The following RDM1 variants were observed in gnomAD, a reference collection of about 807,000 sequenced individuals.
RDM1 encodes the protein RAD52 motif containing 1.
RDM1 carries 28 observed loss-of-function variants against 27.7 expected under a neutral mutation model. The ratio of observed to expected loss-of-function variants is 1.01; its 90% confidence interval spans 0.75 to 1.39. RDM1 has a LOEUF of 1.39. Ranked by LOEUF, RDM1 falls within the 40% of genes most tolerant of loss-of-function variation. The probability of loss-of-function intolerance (pLI) is 0.00; values close to 1 mark genes in which losing one functional copy is unlikely to be tolerated. For missense variants in RDM1, 277 were observed against 337.3 expected (o/e 0.82, Z 1.40); for synonymous variants, 124 against 127.5 (o/e 0.97, Z 0.19).
chr17:35,919,331 A>G (rs2088857700), intron 6 of RDM1, among the ~76,000 whole-genome samples: 1 of 152,158 alleles, frequency 6.6e-6, no homozygotes, highest in African/African-American at 2.4e-5. Context: ...ATATACAGTC[A>G]TGCGTTGCTT....
rs966467909 is a variant in RDM1 at position 35,930,059 on chromosome 17, T to G, written c.276+17A>C. On this transcript the variant is annotated intron_variant, in intron 2 of 6. Coordinates refer to ENST00000620284, the MANE Select transcript of RDM1 (RefSeq NM_145654.4). ...ACTTCATTTCAGCGGAGCTAGGAAT[T>G]CCATATTTGGACCCACCTTGACTGG... 52 of 1,603,518 alleles carry G rather than the reference T, an allele frequency of 3.2e-5. No individual in the cohort carries two copies. Among genetic ancestry groups the G allele is most frequent in the African/African-American group, 5.4e-5 (4 of 74,354 alleles).
chr17:35,927,206 C>T (rs578188363), intron 2 of RDM1, among the ~76,000 whole-genome samples: 10 of 151,840 alleles, frequency 6.6e-5, no homozygotes, highest in African/African-American at 1.4e-4. Context: ...TTTGGGAGGC[C>T]GAGGCGGCAG....
chr17:35,926,984 G>A (rs940029379), intron 2 of RDM1, among the ~76,000 whole-genome samples: 2 of 151,886 alleles, frequency 1.3e-5, no homozygotes, highest in African/African-American at 2.4e-5. Flanking sequence ...TGGCGAGACC[G>A]GCCTGTATCG....
rs1343211713 is a variant in RDM1 at position 35,930,141 on chromosome 17, T to C, written c.211A>G (p.Arg71Gly). 1.2e-5 allele frequency: 19 copies of C among 1,614,098 alleles called. No homozygotes were observed. In the South Asian group the frequency reaches 1.8e-4, roughly 15 times the overall value. Residue 71 changes from arginine (R) to glycine (G), a missense_variant, in exon 2 of 7, where the codon AGG (arginine) becomes GGG (glycine). Physicochemically the swap from Arg to Gly is moderately radical, Grantham distance 125. Transcript: ENST00000620284. ...GCCTTTTGGGCTCTGTGGGCAGCCC[T>C]TGCAGAATAAAACTTAATGACGGCA... ...FYAVIKFYSA[R>G]AAHRAQKACD... is the part of the protein sequence containing the mutation.
intron 2 of RDM1, among the ~76,000 whole-genome samples, chr17:35,926,465 G>A (rs1186669356): frequency 6.6e-6 from 1 of 151,698 alleles, no homozygotes; most frequent in Non-Finnish European, 1.5e-5. Flanking sequence ...GTGCAGTGGC[G>A]CGATCTTGGC....
intron 5 of RDM1, chr17:35,922,220 C>T (rs571777865): frequency 5.1e-6 from 1 of 196,112 alleles, no homozygotes; most frequent in Non-Finnish European, 1.0e-5. Flanking sequence ...CGCGCCCGGC[C>T]TAATTGCATT....
At chr17:35,922,477 G>A (rs917526306) in intron 5 of RDM1, 100 bp downstream of exon 5, 3 of 1,445,140 alleles carry the variant, frequency 2.1e-6, no homozygotes, top group Middle Eastern at 5.0e-4. Context: ...ATACTATAGA[G>A]TGCTTTAGAT....
intron 5 of RDM1, among the ~76,000 whole-genome samples, chr17:35,920,677 A>G (rs1167857368): frequency 6.6e-6 from 1 of 150,732 alleles, no homozygotes; most frequent in Non-Finnish European, 1.5e-5. Context: ...CTGGTCTTGA[A>G]CCCCTGGCTT....
At chr17:35,924,536 G>A in intron 4 of RDM1, 68 bp downstream of exon 4, 1 of 1,500,070 alleles carries the variant, frequency 6.7e-7, no homozygotes, top group South Asian at 1.3e-5. Context: ...GTTTTGGAAA[G>A]TAAGAAAAAA....
In RDM1 at chr17:35,918,586, G is replaced by A. The variant is rs2088825362; in HGVS notation, c.754-143C>T. 10 of 700,444 alleles carry A rather than the reference G, an allele frequency of 1.4e-5. No individual in the cohort carries two copies. In the South Asian group the frequency reaches 1.8e-4, roughly 12 times the overall value. 43.4% of individuals were successfully genotyped at this position (700,444 alleles called of 1,614,324 possible). A position where few individuals can be genotyped will look rare whatever the true frequency, so the allele number is the denominator to read the frequency against. On this transcript the variant is annotated intron_variant, in intron 6 of 6. Transcript: ENST00000620284. Reference sequence around the variant, plus strand: ...CCACTCTATTAGGTAGGGGCTGCCAGGGAATAAGTGAAGACTCCAAATTTT... The same window carrying A: ...CCACTCTATTAGGTAGGGGCTGCCAAGGAATAAGTGAAGACTCCAAATTTT...
At chr17:35,919,937 A>G (rs2088879024) in intron 6 of RDM1, among the ~76,000 whole-genome samples, 2 of 152,138 alleles carry the variant, frequency 1.3e-5, no homozygotes, top group South Asian at 4.1e-4. Context: ...GGGAAGACTA[A>G]TCCCTCTCCT....
chr17:35,927,798 C>A (rs1487999214), intron 2 of RDM1, among the ~76,000 whole-genome samples: 1 of 152,026 alleles, frequency 6.6e-6, no homozygotes, highest in Non-Finnish European at 1.5e-5. Context: ...ATGAAATGGT[C>A]TCAATGTCCA....
chr17:35,924,317 C>T (rs553465401), intron 4 of RDM1, among the ~76,000 whole-genome samples: 2 of 152,082 alleles, frequency 1.3e-5, no homozygotes, highest in East Asian at 1.9e-4. Flanking sequence ...TATTTTAGTT[C>T]GAAGCAAGTT....
intron 6 of RDM1, among the ~76,000 whole-genome samples, chr17:35,919,283 G>C (rs1161876624): frequency 2.0e-5 from 3 of 152,122 alleles, no homozygotes; most frequent in Non-Finnish European, 4.4e-5. Context: ...TTCTTTCAGA[G>C]ATTAATTTAG....
At chr17:35,920,763 C>G (rs2088916209) in intron 5 of RDM1, among the ~76,000 whole-genome samples, 1 of 152,158 alleles carries the variant, frequency 6.6e-6, no homozygotes, top group African/African-American at 2.4e-5. Flanking sequence ...CCTCACACCT[C>G]AGTTTTTAAC....
rs1412871389 is a variant in RDM1 at position 35,920,455 on chromosome 17, TC to T, written c.668-184del. ...TCAGTTTTTTCTTTCTTTCTTTCTT[TC>T]TTTTTTTTTTTTTTTTTAGAAGACA... On this transcript the variant is annotated intron_variant, in intron 5 of 6. Transcript: ENST00000620284. 3.2e-3 allele frequency among the ~76,000 whole-genome samples: 422 copies of T among 132,076 alleles called. 4 individuals carry two copies. The highest frequency in any genetic ancestry group is 0.016 in the African/African-American group (397 of 25,012). The allele number at this position is 132,076 out of a possible 152,430, so 86.6% of individuals were successfully genotyped here.
Position 35,918,304 on chromosome 17 carries a change from G to A in RDM1, c.*38C>T, listed in dbSNP as rs1050810481. 3 of 1,575,176 alleles carry A rather than the reference G, an allele frequency of 1.9e-6. No homozygotes were observed. The African/African-American group carries it at 4.1e-5, about 21-fold the overall frequency. ...GTAGGGGCACGACAGAGCTTCCCAAGGAAGTTACATGACCTCGCCTTGGGA... is the reference window on the plus strand; with the variant it reads ...GTAGGGGCACGACAGAGCTTCCCAAAGAAGTTACATGACCTCGCCTTGGGA... On this transcript the variant is annotated 3_prime_UTR_variant, in exon 7 of 7. Transcript: ENST00000620284.
Position 35,927,968 on chromosome 17 carries a change from A to C in RDM1, c.276+2108T>G, listed in dbSNP as rs558456220. Among the ~76,000 whole-genome samples, 30 of 152,366 alleles carry C rather than the reference A, an allele frequency of 2.0e-4. No individual in the cohort carries two copies. In the South Asian group the frequency reaches 4.6e-3, roughly 23 times the overall value. On this transcript the variant is annotated intron_variant, in intron 2 of 6. Transcript: ENST00000620284. ...ATAATATCTCACAGGTAATCATTTC[A>C]GTCACAGAAAGTGGAACCAGGATTG...
rs772006524 is a variant in RDM1, at chr17:35,922,495, T to C, written c.667+82A>G. ...CTATAGAGTGCTTTAGATATCAATA[T>C]TTTTATTCAATTAACTTTTCAAAAT... is the stretch of plus-strand genomic sequence containing the variant. On this transcript the variant is annotated intron_variant, in intron 5 of 6. Transcript: ENST00000620284. The C allele has an allele frequency of 2.3e-5, 36 of 1,550,650 alleles. No homozygotes were observed. The East Asian group carries it at 7.9e-4, about 34-fold the overall frequency.
Sources: gnomAD v4.1 joint callset for allele counts (sites outside exome capture counted in the v4.1 genomes callset) on GRCh38, gnomAD v4.1.1 for gene constraint, MANE v1.5 for transcripts, NCBI Gene and HGNC (gene_info 2026-07-23, HGNC 2026-07-21) for gene names.